Variants in LDB2 observed in about 807,000 individuals in gnomAD.
The protein encoded by LDB2 is LIM domain-binding protein 2.
LDB2 carries 12 observed loss-of-function variants against 44.3 expected under a neutral mutation model. The observed-to-expected ratio is 0.27, with a 90% confidence interval of 0.17 to 0.44. The LOEUF is 0.44. LDB2 is among the 20% of genes least tolerant of loss of function. LDB2 has a pLI of 1.00. For missense variants in LDB2, 344 were observed against 473.5 expected (o/e 0.73, Z 2.54); for synonymous variants, 164 against 174.8 (o/e 0.94, Z 0.49).
chr4:16,593,954 A>G (rs1408511091), intron 3 of LDB2, among the ~76,000 whole-genome samples: 4 of 152,224 alleles, frequency 2.6e-5, no homozygotes, highest in African/African-American at 9.6e-5. Flanking sequence ...TCATTTATGA[A>G]TCAGTTTTGG....
At chr4:16,823,695 A>T (rs895440934) in intron 1 of LDB2, among the ~76,000 whole-genome samples, 13 of 152,190 alleles carry the variant, frequency 8.5e-5, no homozygotes, top group Non-Finnish European at 1.9e-4. Context: ...ATAAATAAAT[A>T]ACTAGCTCTG....
At chr4:16,534,535 G>A (rs1731136103) in intron 5 of LDB2, among the ~76,000 whole-genome samples, 4 of 152,118 alleles carry the variant, frequency 2.6e-5, no homozygotes, top group Non-Finnish European at 4.4e-5. Flanking sequence ...AAATGTATTG[G>A]AACACATAGC....
At chr4:16,567,596 C>T (rs1025343141) in intron 5 of LDB2, among the ~76,000 whole-genome samples, 1 of 152,100 alleles carries the variant, frequency 6.6e-6, no homozygotes, top group Non-Finnish European at 1.5e-5. Context: ...TGGTGAAACC[C>T]TGTCTCTACT....
chr4:16,794,836 T>C (rs1280975305), intron 1 of LDB2, among the ~76,000 whole-genome samples: 1 of 152,222 alleles, frequency 6.6e-6, no homozygotes, highest in African/African-American at 2.4e-5. Context: ...AACTTAAGCA[T>C]CACCTGCTCC....
At chr4:16,888,954 T>C (rs1722531176) in intron 1 of LDB2, among the ~76,000 whole-genome samples, 1 of 152,092 alleles carries the variant, frequency 6.6e-6, no homozygotes, top group African/African-American at 2.4e-5. Flanking sequence ...TGTTCAAGGC[T>C]GGTCACTGTT....
chr4:16,681,754 G>A (rs1399425495), intron 2 of LDB2, among the ~76,000 whole-genome samples: 1 of 146,562 alleles, frequency 6.8e-6, no homozygotes, highest in African/African-American at 2.5e-5. Context: ...TGTATTTTTA[G>A]TAGAGACGGG....
At chr4:16,784,929 C>T (rs1774070538) in intron 1 of LDB2, among the ~76,000 whole-genome samples, 1 of 152,060 alleles carries the variant, frequency 6.6e-6, no homozygotes, top group African/African-American at 2.4e-5. Flanking sequence ...CTTTGCTCTG[C>T]CACCCTTAAA....
At chr4:16,630,917 G>A (rs1384044068) in intron 2 of LDB2, among the ~76,000 whole-genome samples, 2 of 152,102 alleles carry the variant, frequency 1.3e-5, no homozygotes, top group East Asian at 3.8e-4. Flanking sequence ...ACCCAATACG[G>A]GAGCACCCAG....
chr4:16,657,020 A>G (rs1740061406), intron 2 of LDB2, among the ~76,000 whole-genome samples: 1 of 152,226 alleles, frequency 6.6e-6, no homozygotes, highest in African/African-American at 2.4e-5. Context: ...AGGAAGGAAT[A>G]TCACAAAACT....
intron 2 of LDB2, among the ~76,000 whole-genome samples, chr4:16,613,767 G>A (rs868459495): frequency 6.6e-6 from 1 of 152,136 alleles, no homozygotes; most frequent in Admixed American, 6.6e-5. Flanking sequence ...GGAAATAAGA[G>A]AGGACACAAA....
intron 2 of LDB2, among the ~76,000 whole-genome samples, chr4:16,664,480 G>C (rs907312777): frequency 6.6e-6 from 1 of 152,196 alleles, no homozygotes; most frequent in Non-Finnish European, 1.5e-5. Context: ...ACTAGACAGA[G>C]TCAGGAACAC....
At chr4:16,630,112 G>A (rs1011475558) in intron 2 of LDB2, among the ~76,000 whole-genome samples, 1 of 152,122 alleles carries the variant, frequency 6.6e-6, no homozygotes, top group Non-Finnish European at 1.5e-5. Flanking sequence ...TCCCTGAGAA[G>A]AGAAACCCCA....
intron 1 of LDB2, among the ~76,000 whole-genome samples, chr4:16,836,075 T>A (rs1245513876): frequency 6.6e-6 from 1 of 152,200 alleles, no homozygotes; most frequent in African/African-American, 2.4e-5. Flanking sequence ...CTTTAACACA[T>A]CACTGTCTGT....
intron 2 of LDB2, among the ~76,000 whole-genome samples, chr4:16,742,618 T>C (rs1163498996): frequency 6.6e-6 from 1 of 152,160 alleles, no homozygotes; most frequent in African/African-American, 2.4e-5. Context: ...CGCACCACAT[T>C]CAACAGACAT....
chr4:16,790,939 G>C (rs939412179), intron 1 of LDB2, among the ~76,000 whole-genome samples: 2 of 152,140 alleles, frequency 1.3e-5, no homozygotes, highest in African/African-American at 4.8e-5. Flanking sequence ...GTGTGGATGA[G>C]AGCTATACAT....
At position 16,895,490 on chromosome 4, in the gene LDB2, G is replaced by C. The variant is rs140723922; in HGVS notation, c.132+2864C>G. ...TTGCTATATATTGTTTTTCTAGCCA[G>C]GTCCATGTTCAAAAAGGGGTGAAGA... On this transcript the variant is annotated intron_variant, in intron 1 of 7. Transcript: ENST00000304523. Among the ~76,000 whole-genome samples the C allele has an allele frequency of 3.9e-3, 600 of 152,166 alleles. 1 individual carries two copies. The highest frequency in any genetic ancestry group is 6.9e-3 in the South Asian group (33 of 4,814).
At chr4:16,862,949 C>T (rs1166532822) in intron 1 of LDB2, among the ~76,000 whole-genome samples, 1 of 152,144 alleles carries the variant, frequency 6.6e-6, no homozygotes, top group African/African-American at 2.4e-5. Flanking sequence ...AAGGAAAGAG[C>T]GTCCAGCGAG....
Position 16,595,823 on chromosome 4 carries a change from C to T in LDB2, c.288G>A (p.Gly96=). The change falls in exon 3 of 8, where the codon GGG becomes GGA. Residue 96 remains glycine, a synonymous_variant. Coordinates refer to ENST00000304523, the MANE Select transcript of LDB2 (RefSeq NM_001290.5). ...PRYFSTVFEG[G]VTDLYYILKH... ...TGAGAATGTAATACAGGTCGGTCAC[C>T]CCTCCTTCAAACACAGTGCTAAAGT... 6.2e-7 allele frequency: 1 copy of T among 1,613,506 alleles called. No homozygotes were observed.
At chr4:16,755,472 G>GGGGTGTGTGTGTGT in intron 2 of LDB2, among the ~76,000 whole-genome samples, 1 of 118,298 alleles carries the variant, frequency 8.5e-6, no homozygotes, top group East Asian at 2.7e-4. Flanking sequence ...GTAGGAATAG[G>GGGGTGTGTGTGTGT]GTGTGTGTGT....
Sources: gnomAD v4.1 joint callset for allele counts (sites outside exome capture counted in the v4.1 genomes callset) on GRCh38, gnomAD v4.1.1 for gene constraint, MANE v1.5 for transcripts, NCBI Gene and HGNC (gene_info 2026-07-23, HGNC 2026-07-21) for gene names.